Variants in LRBA observed in about 807,000 individuals in gnomAD.
The protein encoded by LRBA is LPS responsive beige-like anchor protein, also known as lipopolysaccharide-responsive and beige-like anchor protein.
A neutral mutation model predicts 330.0 loss-of-function variants in LRBA; 176 were observed. That is an observed-to-expected ratio of 0.53 (90% confidence interval 0.47 to 0.60). The LOEUF (loss-of-function observed/expected upper bound fraction) is 0.60. Ranked by LOEUF, LRBA falls within the 20% of genes least tolerant of loss-of-function variation. LRBA has a pLI of 0.00. For synonymous variants in LRBA, 1,230 were observed against 1,193.0 expected (o/e 1.03, Z -0.64); for missense variants, 3,259 against 3,444.8 (o/e 0.95, Z 1.35).
intron 17 of LRBA, among the ~76,000 whole-genome samples, chr4:150,885,547 G>A (rs1454619053): frequency 6.6e-6 from 1 of 152,132 alleles, no homozygotes; most frequent in Non-Finnish European, 1.5e-5. Context: ...CCTGAACCCA[G>A]GAGACAGAGG....
At chr4:150,812,746 A>G (rs1743935524) in intron 31 of LRBA, among the ~76,000 whole-genome samples, 2 of 152,198 alleles carry the variant, frequency 1.3e-5, no homozygotes, top group South Asian at 4.1e-4. Context: ...TAAGTGGTAG[A>G]ATTACTAAAT....
intron 40 of LRBA, among the ~76,000 whole-genome samples, chr4:150,526,137 T>C (rs141437152): frequency 1.3e-5 from 2 of 152,254 alleles, no homozygotes; most frequent in East Asian, 3.8e-4. Flanking sequence ...GAAAGCAACA[T>C]TGCCAATGAG....
chr4:150,721,447 A>T (rs181306849), intron 36 of LRBA: 183 of 294,386 alleles, frequency 6.2e-4, no homozygotes, highest in African/African-American at 4.0e-3. Context: ...AATAAAGAAA[A>T]CCCAGAAGTT....
chr4:150,957,559 T>G (rs1163391871), intron 2 of LRBA, among the ~76,000 whole-genome samples: 3 of 148,308 alleles, frequency 2.0e-5, no homozygotes, highest in Non-Finnish European at 4.4e-5. Flanking sequence ...AAATCTCATA[T>G]CCTCACATTT....
At chr4:150,431,495 C>T (rs552729308) in intron 46 of LRBA, among the ~76,000 whole-genome samples, 2 of 152,226 alleles carry the variant, frequency 1.3e-5, no homozygotes, top group South Asian at 4.1e-4. Context: ...TGTGGCTAGT[C>T]TCAACACAGA....
At position 150,889,832 on chromosome 4, in the gene LRBA, A is replaced by C. The variant is rs142981615; in HGVS notation, c.2165+3220T>G. On this transcript the variant is annotated intron_variant, in intron 17 of 56. Coordinates refer to ENST00000651943, the MANE Select transcript of LRBA (RefSeq NM_001364905.1). The stretch of plus-strand genomic sequence containing the variant: ...GGAAACTAACCATAGGCAATATTTA[A>C]GAGAATGAGAGTGGCTGTGGTTATA... Among the ~76,000 whole-genome samples the C allele has an allele frequency of 2.0e-3, 310 of 152,290 alleles. 1 individual carries two copies. The highest frequency in any genetic ancestry group is 7.2e-3 in the African/African-American group (300 of 41,568).
At chr4:150,507,736 A>G (rs900164147) in intron 40 of LRBA, among the ~76,000 whole-genome samples, 1 of 152,194 alleles carries the variant, frequency 6.6e-6, no homozygotes, top group Non-Finnish European at 1.5e-5. Context: ...ATGGGATCTA[A>G]TTAAACTGAA....
chr4:150,427,572 A>G (rs1749805903), intron 46 of LRBA, among the ~76,000 whole-genome samples: 1 of 152,036 alleles, frequency 6.6e-6, no homozygotes, highest in Non-Finnish European at 1.5e-5. Context: ...GAGGCTGGCA[A>G]AAAACAGAAG....
rs538208508 is a variant in LRBA, at chr4:150,742,841, T to C, written c.5646-7475A>G. On this transcript the variant is annotated intron_variant, in intron 35 of 56. Coordinates refer to ENST00000651943, the MANE Select transcript of LRBA (RefSeq NM_001364905.1). Reference sequence around the variant, plus strand: ...TAAGCCCAGGAGGTAGAGGCTACAGTGAACCATGATGGCATCACTGCACTG... The same window carrying C: ...TAAGCCCAGGAGGTAGAGGCTACAGCGAACCATGATGGCATCACTGCACTG... Among the ~76,000 whole-genome samples, 47 of 152,192 alleles carry C rather than the reference T, an allele frequency of 3.1e-4. No individual in the cohort carries two copies. In the South Asian group the frequency reaches 9.1e-3, roughly 30 times the overall value.
At chr4:150,922,978 C>A (rs1193302420) in intron 4 of LRBA, among the ~76,000 whole-genome samples, 1 of 152,002 alleles carries the variant, frequency 6.6e-6, no homozygotes, top group Non-Finnish European at 1.5e-5. Flanking sequence ...CTCCAGAGTC[C>A]ATGCTTTTAA....
chr4:150,922,826 A>G (rs1377002425), intron 4 of LRBA, among the ~76,000 whole-genome samples: 1 of 152,122 alleles, frequency 6.6e-6, no homozygotes, highest in East Asian at 1.9e-4. Flanking sequence ...AAACACTAAA[A>G]TATTTTAACC....
intron 2 of LRBA, among the ~76,000 whole-genome samples, chr4:150,980,870 G>C (rs567797574): frequency 6.6e-6 from 1 of 151,974 alleles, no homozygotes; most frequent in South Asian, 2.1e-4. Context: ...ATGAAAAAAA[G>C]TAATCCTATT....
rs1359569226 is a variant in LRBA, at chr4:150,954,531, G to A, written c.217-25466C>T. Among the ~76,000 whole-genome samples, 12 of 151,428 alleles carry A rather than the reference G, an allele frequency of 7.9e-5. No individual in the cohort carries two copies. In the East Asian group the frequency reaches 1.9e-3, roughly 24 times the overall value. ...AAGGGTTAAATGGATTAAGGGCGGT[G>A]CAAGATGTGCTTTGTTAAACAGATG... On this transcript the variant is annotated intron_variant, in intron 2 of 56. Coordinates refer to ENST00000651943, the MANE Select transcript of LRBA (RefSeq NM_001364905.1).
intron 17 of LRBA, 51 bp from the exon 18 acceptor site, chr4:150,872,806 G>T: frequency 1.1e-6 from 1 of 891,960 alleles, no homozygotes; most frequent in South Asian, 1.6e-5. Flanking sequence ...ATTTTTAAAT[G>T]GAAAGGTTTA....
chr4:150,337,478 T>C (rs1734908459), intron 48 of LRBA, among the ~76,000 whole-genome samples: 2 of 152,130 alleles, frequency 1.3e-5, no homozygotes, highest in Non-Finnish European at 2.9e-5. Flanking sequence ...ATAAGGGAAT[T>C]TTTGTCTGAT....
intron 2 of LRBA, among the ~76,000 whole-genome samples, chr4:150,991,272 C>T (rs1742052866): frequency 6.6e-6 from 1 of 152,174 alleles, no homozygotes; most frequent in Non-Finnish European, 1.5e-5. Flanking sequence ...CAGCATGCTA[C>T]AGCCACTTTG....
intron 36 of LRBA, among the ~76,000 whole-genome samples, chr4:150,690,062 A>C (rs1457825677): frequency 2.6e-5 from 4 of 152,134 alleles, no homozygotes; most frequent in Non-Finnish European, 5.9e-5. Context: ...TAAATGAAGA[A>C]ATATATAATT....
chr4:150,691,548 A>C (rs1433778233), intron 36 of LRBA, among the ~76,000 whole-genome samples: 1 of 152,326 alleles, frequency 6.6e-6, no homozygotes, highest in Non-Finnish European at 1.5e-5. Context: ...TACAATACCA[A>C]GCACTGACAA....
intron 2 of LRBA, among the ~76,000 whole-genome samples, chr4:150,988,922 T>TA (rs1357201051): frequency 6.6e-6 from 1 of 152,008 alleles, no homozygotes; most frequent in Non-Finnish European, 1.5e-5. Context: ...AATGAGTTTT[T>TA]ATTGGCTGTT....
Sources: gnomAD v4.1 joint callset for allele counts (sites outside exome capture counted in the v4.1 genomes callset) on GRCh38, gnomAD v4.1.1 for gene constraint, MANE v1.5 for transcripts, NCBI Gene and HGNC (gene_info 2026-07-23, HGNC 2026-07-21) for gene names.